The following MARVELD2 variants were observed in gnomAD, a reference collection of about 807,000 sequenced individuals.
The protein encoded by MARVELD2 is MARVEL domain-containing protein 2.
In MARVELD2, 49 loss-of-function variants were observed where a neutral mutation model predicts 57.6. The observed-to-expected ratio is 0.85, with a 90% CI of 0.68 to 1.08. The LOEUF (loss-of-function observed/expected upper bound fraction) is 1.08. Among genes scored for constraint, MARVELD2 ranks in the 50% least tolerant of loss-of-function variants. The pLI, the probability that MARVELD2 is intolerant of heterozygous loss-of-function variation, is 0.00. For missense variants in MARVELD2, 606 were observed against 701.1 expected (o/e 0.86, Z 1.53); for synonymous variants, 238 against 258.8 (o/e 0.92, Z 0.77).
At chr5:69,420,562 G>C in intron 2 of MARVELD2, 31 bp downstream of exon 2, 1 of 1,592,940 alleles carries the variant, frequency 6.3e-7, no homozygotes. Context: ...TCATTTGTGT[G>C]TGTATGTTTG....
chr5:69,434,676 T>C (rs1214395503), intron 5 of MARVELD2, among the ~76,000 whole-genome samples: 1 of 152,144 alleles, frequency 6.6e-6, no homozygotes, highest in Non-Finnish European at 1.5e-5. Flanking sequence ...CCTTATAACC[T>C]GTGCCATTTT....
chr5:69,444,168 ATGT>A lies in MARVELD2; in HGVS notation c.*2518_*2520del, dbSNP rs1767404733. ...CCAATGCAGTAACACTGATTTGTAAATGTTGTGGTCAATCCCTAGGTGCATTAA... is the reference window on the plus strand; with the variant it reads ...CCAATGCAGTAACACTGATTTGTAAATGTGGTCAATCCCTAGGTGCATTAA... On this transcript the variant is annotated 3_prime_UTR_variant, in exon 7 of 7. Coordinates refer to ENST00000325631, the MANE Select transcript of MARVELD2 (RefSeq NM_001038603.3). 1 of 152,106 alleles carries A rather than the reference ATGT, an allele frequency of 6.6e-6. No homozygotes were observed. The highest frequency in any genetic ancestry group is 1.5e-5 in the Non-Finnish European group (1 of 68,010). 9.4% of individuals were successfully genotyped at this position (152,106 alleles called of 1,614,324 possible).
chr5:69,429,140 C>T (rs1451969456), intron 3 of MARVELD2, among the ~76,000 whole-genome samples: 1 of 152,154 alleles, frequency 6.6e-6, no homozygotes, highest in African/African-American at 2.4e-5. Context: ...ATGCTTTCTA[C>T]ATCTAGGTGA....
intron 3 of MARVELD2, 52 bp from the exon 4 acceptor site, chr5:69,432,475 T>C: frequency 1.3e-6 from 2 of 1,589,848 alleles, no homozygotes; most frequent in East Asian, 2.2e-5. Flanking sequence ...ATTCAGAGGG[T>C]TTTTTTCTAC....
At chr5:69,425,174 C>T (rs557663759) in intron 3 of MARVELD2, among the ~76,000 whole-genome samples, 2 of 145,524 alleles carry the variant, frequency 1.4e-5, no homozygotes, top group Admixed American at 7.1e-5. Context: ...TATTCTCACT[C>T]ATAGGTGGGA....
intron 2 of MARVELD2, among the ~76,000 whole-genome samples, chr5:69,423,247 CGTT>C (rs557387176): frequency 6.7e-4 from 102 of 152,064 alleles, no homozygotes; most frequent in Non-Finnish European, 1.3e-3. Flanking sequence ...GTTTTGTTGT[CGTT>C]GTTGTTGTTG....
chr5:69,438,327 T>A (rs997239494), intron 5 of MARVELD2, among the ~76,000 whole-genome samples: 1 of 152,214 alleles, frequency 6.6e-6, no homozygotes. Flanking sequence ...CTAACCCCAA[T>A]AGCAAGTTTA....
intron 3 of MARVELD2, 144 bp from the exon 4 acceptor site, chr5:69,432,383 C>A: frequency 1.1e-6 from 1 of 879,490 alleles, no homozygotes; most frequent in Non-Finnish European, 1.9e-6. Flanking sequence ...TCATGTGATC[C>A]TCCGGCTTTG....
chr5:69,434,006 TC>T (rs1180865040), intron 5 of MARVELD2, among the ~76,000 whole-genome samples: 1 of 151,700 alleles, frequency 6.6e-6, no homozygotes, highest in East Asian at 1.9e-4. Context: ...TCAGTCAGGG[TC>T]CCAAAGGAGA....
chr5:69,420,816 G>A (rs1289031392), intron 2 of MARVELD2, among the ~76,000 whole-genome samples: 1 of 152,102 alleles, frequency 6.6e-6, no homozygotes, highest in East Asian at 1.9e-4. Context: ...ATGTCTGTCT[G>A]AAGCTTAAGG....
chr5:69,433,979 C>T (rs1767056795), intron 5 of MARVELD2, among the ~76,000 whole-genome samples: 1 of 151,412 alleles, frequency 6.6e-6, no homozygotes, highest in Non-Finnish European at 1.5e-5. Context: ...ACGAATTTGC[C>T]TAAGATAGAT....
At chr5:69,422,488 T>C (rs1766660005) in intron 2 of MARVELD2, among the ~76,000 whole-genome samples, 1 of 152,152 alleles carries the variant, frequency 6.6e-6, no homozygotes, top group Non-Finnish European at 1.5e-5. Flanking sequence ...CCCAGGCTTA[T>C]TAGGACGAGG....
chr5:69,436,452 C>T lies in MARVELD2; in HGVS notation c.1503+3359C>T, dbSNP rs112521677. On this transcript the variant is annotated intron_variant, in intron 5 of 6. Transcript: ENST00000325631. ...ACACACACACACACACACACACACA[C>T]ATATATATAAATTTTTTACCTGAGA... Among the ~76,000 whole-genome samples, 531 of 69,516 alleles carry T rather than the reference C, an allele frequency of 7.6e-3. 3 individuals are homozygous for T. Among genetic ancestry groups the T allele is most frequent in the African/African-American group, 0.019 (441 of 23,496 alleles). 45.6% of individuals were successfully genotyped at this position (69,516 alleles called of 152,430 possible). A position where few individuals can be genotyped will look rare whatever the true frequency, so the allele number is the denominator to read the frequency against.
intron 1 of MARVELD2, among the ~76,000 whole-genome samples, chr5:69,416,257 G>A (rs17236646): frequency 1.2e-3 from 186 of 152,292 alleles, no homozygotes; most frequent in African/African-American, 4.3e-3. Context: ...AGCATTTCTA[G>A]AACTTACACT....
chr5:69,421,460 A>T (rs970821738), intron 2 of MARVELD2, among the ~76,000 whole-genome samples: 1 of 152,070 alleles, frequency 6.6e-6, no homozygotes, highest in African/African-American at 2.4e-5. Flanking sequence ...TTTTCCTAAG[A>T]CTTCTTAGAT....
At chr5:69,419,167 C>G (rs1766517788) in intron 1 of MARVELD2, 1 of 613,710 alleles carries the variant, frequency 1.6e-6, no homozygotes, top group African/African-American at 1.8e-5. Flanking sequence ...CTGAAATGAT[C>G]CGTCTGTCTT....
chr5:69,437,326 T>A (rs1344104021), intron 5 of MARVELD2, among the ~76,000 whole-genome samples: 3 of 133,378 alleles, frequency 2.2e-5, no homozygotes, highest in African/African-American at 8.7e-5. Flanking sequence ...GGCTCTGGTG[T>A]GCCAAGATCG....
At chr5:69,433,153 C>CAT in intron 5 of MARVELD2, 60 bp downstream of exon 5, 1 of 477,910 alleles carries the variant, frequency 2.1e-6, no homozygotes, top group Non-Finnish European at 3.4e-6. Context: ...TAAAATCTGG[C>CAT]TTTTTTTTTT....
intron 3 of MARVELD2, among the ~76,000 whole-genome samples, chr5:69,427,253 G>A (rs1025930130): frequency 6.6e-5 from 10 of 152,286 alleles, no homozygotes; most frequent in African/African-American, 1.7e-4. Flanking sequence ...TAGAAAAGCC[G>A]GAATCTAATG....
Sources: gnomAD v4.1 joint callset for allele counts (sites outside exome capture counted in the v4.1 genomes callset) on GRCh38, gnomAD v4.1.1 for gene constraint, MANE v1.5 for transcripts, NCBI Gene and HGNC (gene_info 2026-07-23, HGNC 2026-07-21) for gene names.